CMIP: variants seen among roughly 807,000 people sequenced by gnomAD.
CMIP encodes c-Maf inducing protein, also known as C-Maf-inducing protein.
CMIP carries 13 observed loss-of-function variants against 97.3 expected under a neutral mutation model. The ratio of observed to expected loss-of-function variants is 0.13; its 90% CI spans 0.09 to 0.21. The LOEUF is 0.21. CMIP is among the 10% of genes least tolerant of loss of function. The pLI is 1.00. For synonymous variants in CMIP, 538 were observed against 436.3 expected (o/e 1.23, Z -2.91); for missense variants, 847 against 1,024.9 (o/e 0.83, Z 2.37).
rs773161457 is a variant in CMIP, at chr16:81,553,117, G to A, written c.301-54450G>A. 1.1e-4 allele frequency among the ~76,000 whole-genome samples: 17 copies of A among 152,166 alleles called. 1 individual carries two copies. Among genetic ancestry groups the A allele is most frequent in the Admixed American group, 2.0e-4 (3 of 15,272 alleles). On this transcript the variant is annotated intron_variant, in intron 1 of 20. Coordinates refer to ENST00000537098, the MANE Select transcript of CMIP (RefSeq NM_198390.3). ...AGCCACGTGGGTCCCAGCACCCAGG[G>A]CCTGAGTCTCTGCTTGTTTCAGTCC...
At chr16:81,609,537 C>G (rs928676475) in intron 2 of CMIP, among the ~76,000 whole-genome samples, 2 of 152,232 alleles carry the variant, frequency 1.3e-5, no homozygotes, top group African/African-American at 4.8e-5. Flanking sequence ...AGCCCCTCAG[C>G]CCCTGGGGAG....
intron 1 of CMIP, among the ~76,000 whole-genome samples, chr16:81,457,740 C>T (rs971699666): frequency 3.3e-5 from 5 of 152,228 alleles, no homozygotes; most frequent in African/African-American, 1.2e-4. Flanking sequence ...GGAACTCCTG[C>T]ACCGTCCCAC....
chr16:81,495,908 CAGT>C (rs1243228380), intron 1 of CMIP, among the ~76,000 whole-genome samples: 2 of 152,174 alleles, frequency 1.3e-5, no homozygotes, highest in Admixed American at 6.5e-5. Flanking sequence ...CTGTAAAATG[CAGT>C]TTGCGAGATA....
At chr16:81,487,142 T>C (rs777821389) in intron 1 of CMIP, among the ~76,000 whole-genome samples, 11 of 149,368 alleles carry the variant, frequency 7.4e-5, no homozygotes, top group Admixed American at 1.3e-4. Context: ...GAACAGGCCC[T>C]GCAGGGGTGA....
At chr16:81,499,670 G>A (rs948966898) in intron 1 of CMIP, among the ~76,000 whole-genome samples, 7 of 152,208 alleles carry the variant, frequency 4.6e-5, no homozygotes, top group African/African-American at 1.7e-4. Flanking sequence ...GCCTCTGCCC[G>A]GGGAGCAGAG....
intron 3 of CMIP, among the ~76,000 whole-genome samples, chr16:81,647,663 C>CCAGGGAGCCTGGAG (rs1373264263): frequency 1.3e-5 from 2 of 152,132 alleles, no homozygotes; most frequent in African/African-American, 4.8e-5. Context: ...GGGCCAGCCT[C>CCAGGGAGCCTGGAG]CAGGGAGCCT....
intron 14 of CMIP, chr16:81,697,354 A>G (rs181836529): frequency 3.3e-5 from 5 of 152,520 alleles, no homozygotes; most frequent in Admixed American, 2.0e-4. Flanking sequence ...CCAGGCACAC[A>G]TGGCTTCTTC....
intron 3 of CMIP, among the ~76,000 whole-genome samples, chr16:81,650,280 C>T (rs1218708905): frequency 2.6e-5 from 4 of 152,228 alleles, no homozygotes; most frequent in Non-Finnish European, 5.9e-5. Flanking sequence ...CCCTGGCCTC[C>T]TCTGCTCTGC....
chr16:81,705,448 C>A, intron 18 of CMIP, 51 bp from the exon 19 acceptor site: 2 of 1,329,838 alleles, frequency 1.5e-6, no homozygotes, highest in South Asian at 1.3e-5. Context: ...GCCTCAGAGT[C>A]ACTTCCCCAG....
intron 1 of CMIP, among the ~76,000 whole-genome samples, chr16:81,488,206 C>T (rs1339173324): frequency 1.3e-5 from 2 of 151,994 alleles, no homozygotes; most frequent in African/African-American, 4.8e-5. Flanking sequence ...CGTAGCACAC[C>T]GAAGCTGAGA....
At chr16:81,667,549 A>C (rs991286246) in intron 7 of CMIP, among the ~76,000 whole-genome samples, 4 of 152,184 alleles carry the variant, frequency 2.6e-5, no homozygotes, top group African/African-American at 9.7e-5. Context: ...AAAATCTAAT[A>C]GCTAAGATGA....
intron 1 of CMIP, among the ~76,000 whole-genome samples, chr16:81,524,047 T>A (rs2090081201): frequency 1.3e-5 from 2 of 152,216 alleles, no homozygotes. Flanking sequence ...TATTTTTCTG[T>A]CTCTTAAACT....
intron 1 of CMIP, among the ~76,000 whole-genome samples, chr16:81,512,372 C>T (rs367636277): frequency 2.2e-3 from 335 of 152,328 alleles, no homozygotes; most frequent in Non-Finnish European, 3.9e-3. Context: ...CCACCCCCAT[C>T]ACCTTTCCTG....
chr16:81,707,115 C>T, intron 20 of CMIP, 31 bp downstream of exon 20: 2 of 1,587,902 alleles, frequency 1.3e-6, no homozygotes, highest in South Asian at 2.2e-5. Context: ...CACTCTCCTC[C>T]CCTCCTTCTT....
At chr16:81,562,797 C>G (rs143670793) in intron 1 of CMIP, among the ~76,000 whole-genome samples, 147 of 152,144 alleles carry the variant, frequency 9.7e-4, no homozygotes, top group African/African-American at 3.4e-3. Context: ...TTTCATTTTT[C>G]AAATGTGGAA....
chr16:81,670,153 G>C lies in CMIP; in HGVS notation c.837G>C (p.Lys279Asn). 1 of 1,608,510 alleles carries C rather than the reference G, an allele frequency of 6.2e-7. No homozygotes were observed. Among genetic ancestry groups the C allele is most frequent in the Non-Finnish European group, 8.5e-7 (1 of 1,177,700 alleles). ...TGCTGTCTCCACAGGACTTTGGGAA[G>C]TGCCCGCGACTGAGGCTGTTTACTC... ...RILKHNMDFG[K>N]CPRLRLFTQE... Residue 279 changes from lysine (K) to asparagine (N), a missense_variant, in exon 8 of 21, where the codon AAG (lysine) becomes AAC (asparagine). Around this residue, in one of 4 missense-constraint regions of CMIP, gnomAD observed 285 missense variants for 392.2 expected, o/e 0.73. Coordinates refer to ENST00000537098, the MANE Select transcript of CMIP (RefSeq NM_198390.3).
intron 1 of CMIP, among the ~76,000 whole-genome samples, chr16:81,505,013 A>G (rs2089682488): frequency 1.3e-5 from 2 of 152,258 alleles, no homozygotes; most frequent in African/African-American, 4.8e-5. Context: ...TGCAACGGTA[A>G]CGGGCAGCGC....
chr16:81,565,099 G>A (rs1448942152), intron 1 of CMIP, among the ~76,000 whole-genome samples: 1 of 152,118 alleles, frequency 6.6e-6, no homozygotes, highest in Non-Finnish European at 1.5e-5. Context: ...CTGATGGCAG[G>A]CTCAGTTTAG....
chr16:81,598,234 C>G (rs947561880), intron 1 of CMIP, among the ~76,000 whole-genome samples: 7 of 151,312 alleles, frequency 4.6e-5, no homozygotes, highest in Non-Finnish European at 1.0e-4. Context: ...CAGAGCTGAC[C>G]AACGGGGGTA....
Sources: allele counts gnomAD v4.1 joint callset (sites outside exome capture counted in the v4.1 genomes callset), GRCh38; gene constraint gnomAD v4.1.1; regional missense constraint gnomAD v4.1.1; transcripts MANE v1.5; gene names NCBI Gene and HGNC (gene_info 2026-07-23, HGNC 2026-07-21).